Variants in RNF125 observed in about 807,000 individuals in gnomAD.
RNF125 encodes the protein E3 ubiquitin-protein ligase RNF125.
Under a neutral mutation model 26.0 loss-of-function variants are expected in RNF125, and 21 were observed. The observed-to-expected ratio is 0.81, with a 90% CI of 0.57 to 1.16. RNF125 has a LOEUF of 1.16. Ranked by LOEUF, RNF125 falls within the 50% of genes most tolerant of loss-of-function variation. The probability of loss-of-function intolerance (pLI) is 0.00; values close to 1 mark genes in which losing one functional copy is unlikely to be tolerated. For missense variants in RNF125, 270 were observed against 299.4 expected, an observed-to-expected ratio of 0.90 and a Z score of 0.72; for synonymous variants, 95 against 109.2, an observed-to-expected ratio of 0.87 and a Z score of 0.81.
At chr18:32,038,043 ATTTTTTTTT>A (rs35226765) in intron 2 of RNF125, among the ~76,000 whole-genome samples, 1 of 103,396 alleles carries the variant, frequency 9.7e-6, no homozygotes, top group Non-Finnish European at 1.9e-5. Flanking sequence ...GGTCCGTGCC[ATTTTTTTTT>A]TTTTTTTTTT....
At position 32,066,341 on chromosome 18, in the gene RNF125, C is replaced by A. The variant is rs188849573; in HGVS notation, c.612+332C>A. ...AGGCATGGTGGTACACGCCTGTAGT[C>A]CCAGCTACTCGGTAGGCTGAGGCAG... On this transcript the variant is annotated intron_variant, in intron 5 of 5. Coordinates refer to ENST00000217740, the MANE Select transcript of RNF125 (RefSeq NM_017831.4). 1.9e-3 allele frequency among the ~76,000 whole-genome samples: 296 copies of A among 152,048 alleles called. 1 individual carries two copies. The highest frequency in any genetic ancestry group is 3.3e-3 in the Non-Finnish European group (225 of 67,988).
At chr18:32,024,427 ATTGT>A (rs1369537187) in intron 1 of RNF125, among the ~76,000 whole-genome samples, 1 of 151,596 alleles carries the variant, frequency 6.6e-6, no homozygotes, top group Non-Finnish European at 1.5e-5. Flanking sequence ...TGCCTGAAGA[ATTGT>A]TTGTCTTATT....
At chr18:32,065,746 T>C (rs1477260213) in intron 4 of RNF125, among the ~76,000 whole-genome samples, 156 bp from the exon 5 acceptor site, 1 of 152,128 alleles carries the variant, frequency 6.6e-6, no homozygotes, top group Non-Finnish European at 1.5e-5. Context: ...TTGGCCAGGA[T>C]GGTCTCCATC....
In RNF125 at chr18:32,025,621, G is replaced by A. The variant is rs1009138369; in HGVS notation, c.164+6594G>A. 3.6e-5 allele frequency among the ~76,000 whole-genome samples: 5 copies of A among 138,640 alleles called. No homozygotes were observed. The South Asian group carries it at 9.2e-4, about 25-fold the overall frequency. The allele number at this position is 138,640 out of a possible 152,430, so 91.0% of individuals were successfully genotyped here. A position where few individuals can be genotyped will look rare whatever the true frequency, so the allele number is the denominator to read the frequency against. ...TGGAGGTTGCAATAGCCGAGATGGC[G>A]CCACTGCACTCTAGCCTGGGTGACA... On this transcript the variant is annotated intron_variant, in intron 1 of 5. Coordinates refer to ENST00000217740, the MANE Select transcript of RNF125 (RefSeq NM_017831.4).
chr18:32,024,871 A>G (rs910364940), intron 1 of RNF125, among the ~76,000 whole-genome samples: 1 of 152,166 alleles, frequency 6.6e-6, no homozygotes, highest in Admixed American at 6.5e-5. Flanking sequence ...ACTTGAGCCC[A>G]GGAGTTGGAA....
chr18:32,053,805 G>C (rs2039352332), intron 4 of RNF125, among the ~76,000 whole-genome samples: 1 of 151,886 alleles, frequency 6.6e-6, no homozygotes, highest in Non-Finnish European at 1.5e-5. Context: ...CAACTACCCT[G>C]TTGGTTATGA....
intron 1 of RNF125, among the ~76,000 whole-genome samples, chr18:32,028,461 C>CA (rs2039061092): frequency 6.6e-6 from 1 of 151,886 alleles, no homozygotes; most frequent in Non-Finnish European, 1.5e-5. Flanking sequence ...CTTTCTCTAC[C>CA]AATGTAGACT....
chr18:32,053,366 C>CA (rs59117416), intron 4 of RNF125, among the ~76,000 whole-genome samples: 113 of 138,308 alleles, frequency 8.2e-4, no homozygotes, highest in African/African-American at 1.0e-3. Flanking sequence ...CTGTCTCAAA[C>CA]AAAAAAAAAA....
intron 4 of RNF125, among the ~76,000 whole-genome samples, chr18:32,052,222 T>C (rs1598820904): frequency 6.6e-6 from 1 of 151,628 alleles, no homozygotes; most frequent in African/African-American, 2.4e-5. Flanking sequence ...TGGCCGGGTG[T>C]GGTGGCTCGT....
chr18:32,021,105 G>C (rs1375015270), intron 1 of RNF125, among the ~76,000 whole-genome samples: 1 of 152,080 alleles, frequency 6.6e-6, no homozygotes, highest in Non-Finnish European at 1.5e-5. Context: ...TTTTGAGATG[G>C]AGTCTTGCTG....
intron 4 of RNF125, among the ~76,000 whole-genome samples, chr18:32,048,686 A>G (rs1338159600): frequency 2.6e-5 from 4 of 152,052 alleles, no homozygotes; most frequent in Non-Finnish European, 5.9e-5. Flanking sequence ...GCATGCAGAG[A>G]TATTTGTTAT....
rs199504443 is a variant in RNF125 at position 32,028,080 on chromosome 18, T to C, written c.165-9036T>C. Among the ~76,000 whole-genome samples the C allele has an allele frequency of 5.3e-5, 8 of 151,580 alleles. 1 individual carries two copies. Among genetic ancestry groups the C allele is most frequent in the African/African-American group, 7.3e-5 (3 of 41,286 alleles). On this transcript the variant is annotated intron_variant, in intron 1 of 5. Transcript: ENST00000217740. ...TTGGGAGGCTGAGGCGGGCGGATCA[T>C]GAGGTCAGGAGATCGAGACCATCCT...
At chr18:32,026,345 T>G (rs1347599283) in intron 1 of RNF125, among the ~76,000 whole-genome samples, 3 of 144,192 alleles carry the variant, frequency 2.1e-5, no homozygotes, top group Non-Finnish European at 3.0e-5. Flanking sequence ...GCCTCCCGGG[T>G]TCAAGCAATT....
chr18:32,075,281 G>T (rs902347103), downstream of RNF125, among the ~76,000 whole-genome samples: 1 of 152,178 alleles, frequency 6.6e-6, no homozygotes, highest in Non-Finnish European at 1.5e-5. Flanking sequence ...TTCTTAGCCA[G>T]TTGTGGTGGC....
At chr18:32,075,295 C>CG (rs1338664109), downstream of RNF125, among the ~76,000 whole-genome samples, 1 of 152,148 alleles carries the variant, frequency 6.6e-6, no homozygotes, top group Non-Finnish European at 1.5e-5. Context: ...TGGTGGCTCA[C>CG]GCCTGTAATC....
At chr18:32,054,056 C>T (rs1312519679) in intron 4 of RNF125, among the ~76,000 whole-genome samples, 1 of 146,656 alleles carries the variant, frequency 6.8e-6, no homozygotes, top group Non-Finnish European at 1.5e-5. Flanking sequence ...GATCAAAGCT[C>T]ATATGATCAT....
chr18:32,078,656 G>GA, the RNF125 span, among the ~76,000 whole-genome samples: 1 of 151,248 alleles, frequency 6.6e-6, no homozygotes, highest in Non-Finnish European at 1.5e-5. Context: ...AAAAAGAAAA[G>GA]AAAAAAAATA....
chr18:32,082,527 C>G, the RNF125 span, among the ~76,000 whole-genome samples: 2 of 152,116 alleles, frequency 1.3e-5, no homozygotes, highest in African/African-American at 4.8e-5. Context: ...CTCTGCCAGC[C>G]CAGGTAGTCG....
chr18:32,079,118 A>T, the RNF125 span, among the ~76,000 whole-genome samples: 1 of 152,198 alleles, frequency 6.6e-6, no homozygotes, highest in Non-Finnish European at 1.5e-5. Context: ...AATTCAATTC[A>T]TGTGTCAATC....
Sources: allele counts gnomAD v4.1 joint callset (sites outside exome capture counted in the v4.1 genomes callset), GRCh38; gene constraint gnomAD v4.1.1; transcripts MANE v1.5; gene names NCBI Gene and HGNC (gene_info 2026-07-23, HGNC 2026-07-21).